PDE10A: variants seen among roughly 807,000 people sequenced by gnomAD.
PDE10A encodes cAMP and cAMP-inhibited cGMP 3',5'-cyclic phosphodiesterase 10A.
In PDE10A, 39 loss-of-function variants were observed where a neutral mutation model predicts 97.7. The ratio of observed to expected loss-of-function variants is 0.40; its 90% CI spans 0.31 to 0.52. The LOEUF is 0.52. Ranked by LOEUF, PDE10A falls within the 20% of genes least tolerant of loss-of-function variation. PDE10A has a pLI of 0.56. For missense variants in PDE10A, 731 were observed against 1,047.8 expected (o/e 0.70, Z 4.17); for synonymous variants, 371 against 376.8 (o/e 0.98, Z 0.18).
At chr6:165,872,721 T>G (rs1781237288) in intron 1 of PDE10A, among the ~76,000 whole-genome samples, 1 of 152,136 alleles carries the variant, frequency 6.6e-6, no homozygotes, top group Non-Finnish European at 1.5e-5. Flanking sequence ...AAGATTTCAC[T>G]AGGAAAGTGA....
At chr6:165,757,566 A>C (rs539943595) in intron 1 of PDE10A, among the ~76,000 whole-genome samples, 8 of 152,214 alleles carry the variant, frequency 5.3e-5, no homozygotes, top group Admixed American at 2.0e-4. Context: ...GTACGGCATA[A>C]GGTATTGATC....
chr6:165,419,126 CA>C (rs1274955128), intron 10 of PDE10A, among the ~76,000 whole-genome samples: 1 of 152,176 alleles, frequency 6.6e-6, no homozygotes, highest in African/African-American at 2.4e-5. Flanking sequence ...TTCTGCCATC[CA>C]AGGCCCTCTT....
intron 1 of PDE10A, among the ~76,000 whole-genome samples, chr6:165,945,980 GTTTCC>G (rs1257382505): frequency 6.6e-6 from 1 of 152,134 alleles, no homozygotes; most frequent in Non-Finnish European, 1.5e-5. Context: ...TTAGTTGATT[GTTTCC>G]TTTGCTGTGC....
At position 165,559,725 on chromosome 6, in the gene PDE10A, C is replaced by T. The variant is rs762171558; in HGVS notation, c.866-16157G>A. Among the ~76,000 whole-genome samples the T allele has an allele frequency of 4.6e-5, 7 of 152,162 alleles. No individual in the cohort carries two copies. In the South Asian group the frequency reaches 1.4e-3, roughly 32 times the overall value. On this transcript the variant is annotated intron_variant, in intron 1 of 21. Coordinates refer to ENST00000539869, the MANE Select transcript of PDE10A (RefSeq NM_001385079.1). The stretch of plus-strand genomic sequence containing the variant: ...TGAATTGTAGCTCCCATAATTCCCA[C>T]GTGTTGCGGGAGGGACCTGGTGGGA...
chr6:165,955,215 T>C (rs1300122950), intron 1 of PDE10A, among the ~76,000 whole-genome samples: 1 of 152,178 alleles, frequency 6.6e-6, no homozygotes, highest in Non-Finnish European at 1.5e-5. Context: ...AAGGTCGTGC[T>C]CGGTGTATAG....
At chr6:165,877,768 T>C (rs1299734328) in intron 1 of PDE10A, among the ~76,000 whole-genome samples, 1 of 152,184 alleles carries the variant, frequency 6.6e-6, no homozygotes, top group African/African-American at 2.4e-5. Context: ...ATAACTAACG[T>C]TCTCGAAGAG....
At chr6:165,421,350 G>T (rs966267495) in intron 10 of PDE10A, among the ~76,000 whole-genome samples, 2 of 152,138 alleles carry the variant, frequency 1.3e-5, no homozygotes, top group Non-Finnish European at 2.9e-5. Context: ...GGCTGAGGTG[G>T]GAGGATTTCA....
intron 1 of PDE10A, among the ~76,000 whole-genome samples, chr6:165,809,766 G>T (rs957378519): frequency 6.6e-6 from 1 of 152,292 alleles, no homozygotes; most frequent in East Asian, 1.9e-4. Context: ...CCCTCCTAGT[G>T]GGTGAAAGGC....
intron 13 of PDE10A, 115 bp downstream of exon 13, chr6:165,413,386 C>T (rs919269885): frequency 1.1e-5 from 7 of 638,006 alleles, no homozygotes; most frequent in Non-Finnish European, 1.8e-5. Flanking sequence ...ACTTACTTTT[C>T]CTGGTTTGTA....
intron 3 of PDE10A, among the ~76,000 whole-genome samples, chr6:165,457,767 C>A (rs1366793894): frequency 6.6e-6 from 1 of 151,972 alleles, no homozygotes; most frequent in Non-Finnish European, 1.5e-5. Context: ...TGGTAATGAA[C>A]AAATCAGTGT....
chr6:165,937,052 G>A (rs1056015363), intron 1 of PDE10A, among the ~76,000 whole-genome samples: 1 of 152,226 alleles, frequency 6.6e-6, no homozygotes, highest in African/African-American at 2.4e-5. Flanking sequence ...CTTCCTCTAT[G>A]TAGTTCAGGG....
intron 1 of PDE10A, among the ~76,000 whole-genome samples, chr6:165,778,495 C>G (rs2128461200): frequency 6.6e-6 from 1 of 152,312 alleles, no homozygotes; most frequent in South Asian, 2.1e-4. Context: ...TGGGCTGTCT[C>G]CAAAGCTGCT....
rs1195520666 is a variant in PDE10A at position 165,369,845 on chromosome 6, A to T, written c.2783+9349T>A. Among the ~76,000 whole-genome samples the T allele has an allele frequency of 4.0e-5, 6 of 151,732 alleles. 1 individual carries two copies. The South Asian group carries it at 1.0e-3, about 26-fold the overall frequency. ...GCCAGAGAGAAAGGTCGGGTTACCC[A>T]CAAAGGGAAGCCCATCAGACTAACA... On this transcript the variant is annotated intron_variant, in intron 18 of 21. Transcript: ENST00000539869.
intron 1 of PDE10A, among the ~76,000 whole-genome samples, chr6:165,561,293 C>T (rs1784511468): frequency 6.6e-6 from 1 of 151,996 alleles, no homozygotes; most frequent in African/African-American, 2.4e-5. Flanking sequence ...ACGTTTGCTT[C>T]CCCTTTGCCT....
chr6:165,731,484 C>A (rs1315097387), intron 1 of PDE10A, among the ~76,000 whole-genome samples: 1 of 152,146 alleles, frequency 6.6e-6, no homozygotes, highest in African/African-American at 2.4e-5. Flanking sequence ...GAGCTGCCGG[C>A]ACGTTGGAGG....
At position 165,662,154 on chromosome 6, in the gene PDE10A, G is replaced by A. The variant is rs1790307479; in HGVS notation, c.658C>T (p.Pro220Ser). The A allele has an allele frequency of 2.2e-6, 1 of 462,162 alleles. No individual in the cohort carries two copies. Among genetic ancestry groups the A allele is most frequent in the South Asian group, 8.6e-5 (1 of 11,630 alleles). 28.6% of individuals were successfully genotyped at this position (462,162 alleles called of 1,614,324 possible). ...GPRPPPPPRLPLGQAARRAGS... is the reference protein window; with the variant it reads ...GPRPPPPPRLSLGQAARRAGS... ...GCGCGGCGGGCGGCCTGGCCAAGGG[G>A]GAGCCGGGGCGGCGGCGGCGGCCGG... The change falls in exon 1 of 22, where the codon CCC becomes TCC. Residue 220 changes from proline (P) to serine (S), a missense_variant. By Grantham distance (74) the Pro-to-Ser change is moderately conservative. Coordinates refer to ENST00000539869, the MANE Select transcript of PDE10A (RefSeq NM_001385079.1).
intron 13 of PDE10A, among the ~76,000 whole-genome samples, chr6:165,408,774 G>A (rs1249551018): frequency 6.6e-6 from 1 of 152,130 alleles, no homozygotes; most frequent in Admixed American, 6.5e-5. Flanking sequence ...GAATCATTAT[G>A]AAGCTGTGGA....
At chr6:165,719,729 A>G (rs1426032067) in intron 1 of PDE10A, among the ~76,000 whole-genome samples, 1 of 152,244 alleles carries the variant, frequency 6.6e-6, no homozygotes, top group Non-Finnish European at 1.5e-5. Flanking sequence ...ATACGGTTGG[A>G]AACTCTACTG....
chr6:165,572,848 C>T (rs940292678), intron 1 of PDE10A, among the ~76,000 whole-genome samples: 3 of 152,294 alleles, frequency 2.0e-5, no homozygotes, highest in Non-Finnish European at 4.4e-5. Flanking sequence ...AACAAACAAA[C>T]CAAAAAGCAG....
Sources: gnomAD v4.1 joint callset for allele counts (sites outside exome capture counted in the v4.1 genomes callset) on GRCh38, gnomAD v4.1.1 for gene constraint, MANE v1.5 for transcripts, NCBI Gene and HGNC (gene_info 2026-07-23, HGNC 2026-07-21) for gene names.